G2E3: variants seen among roughly 807,000 people sequenced by gnomAD.
G2E3 encodes G2/M-phase specific E3 ubiquitin protein ligase.
A neutral mutation model predicts 92.8 loss-of-function variants in G2E3; 35 were observed. The observed-to-expected ratio is 0.38, with a 90% CI of 0.29 to 0.50. The LOEUF is 0.50. Among genes scored for constraint, G2E3 ranks in the 20% least tolerant of loss-of-function variants. G2E3 has a pLI of 0.94. For synonymous variants in G2E3, 242 were observed against 272.4 expected, an observed-to-expected ratio of 0.89 and a Z score of 1.10; for missense variants, 554 against 823.8, an observed-to-expected ratio of 0.67 and a Z score of 4.01.
chr14:30,603,196 T>G (rs986396557), intron 10 of G2E3, among the ~76,000 whole-genome samples: 6 of 151,896 alleles, frequency 4.0e-5, no homozygotes, highest in African/African-American at 1.5e-4. Flanking sequence ...CATAGTGTTG[T>G]GCATCTGTAG....
chr14:30,569,548 G>A (rs1242154346), intron 1 of G2E3, among the ~76,000 whole-genome samples: 1 of 152,168 alleles, frequency 6.6e-6, no homozygotes, highest in Non-Finnish European at 1.5e-5. Flanking sequence ...TTTTTAGACA[G>A]GAGAAGACCT....
At chr14:30,578,198 A>G (rs985864730) in intron 1 of G2E3, among the ~76,000 whole-genome samples, 8 of 152,222 alleles carry the variant, frequency 5.3e-5, no homozygotes, top group African/African-American at 1.9e-4. Context: ...GCTAGGGATT[A>G]GGAAGGCTAA....
intron 2 of G2E3, among the ~76,000 whole-genome samples, chr14:30,582,282 TTAATAA>T (rs1880476123): frequency 6.6e-6 from 1 of 152,172 alleles, no homozygotes; most frequent in Non-Finnish European, 1.5e-5. Context: ...GACACCAATC[TTAATAA>T]TAAATATAAT....
rs76815703 is a variant in G2E3 at position 30,582,183 on chromosome 14, A to G, written c.37+1067A>G. 5.6e-3 allele frequency among the ~76,000 whole-genome samples: 857 copies of G among 152,280 alleles called. 10 individuals carry two copies. Among genetic ancestry groups the G allele is most frequent in the African/African-American group, 0.019 (787 of 41,554 alleles). On this transcript the variant is annotated intron_variant, in intron 2 of 14. Coordinates refer to ENST00000206595, the MANE Select transcript of G2E3 (RefSeq NM_017769.5). Reference sequence around the variant, plus strand: ...TCTACTATTGATACTTTTTCCTAAGATGGACTGTTTCTTTATTTACATGAA... The same window carrying G: ...TCTACTATTGATACTTTTTCCTAAGGTGGACTGTTTCTTTATTTACATGAA...
chr14:30,607,038 C>A (rs1284914385), intron 11 of G2E3, among the ~76,000 whole-genome samples: 1 of 152,100 alleles, frequency 6.6e-6, no homozygotes, highest in Non-Finnish European at 1.5e-5. Flanking sequence ...AGTATGTTGA[C>A]TGTAACATTA....
At chr14:30,592,148 A>G (rs1881046052) in intron 4 of G2E3, among the ~76,000 whole-genome samples, 175 bp from the exon 5 acceptor site, 1 of 152,062 alleles carries the variant, frequency 6.6e-6, no homozygotes, top group Non-Finnish European at 1.5e-5. Flanking sequence ...GTGTCTTTAG[A>G]TTGTTTCTGG....
chr14:30,586,589 T>C (rs1188049592), intron 2 of G2E3, 129 bp from the exon 3 acceptor site: 1 of 409,566 alleles, frequency 2.4e-6, no homozygotes, highest in East Asian at 4.0e-5. Context: ...TTTAAGTTAC[T>C]GATATCAATA....
intron 1 of G2E3, among the ~76,000 whole-genome samples, chr14:30,565,803 A>G (rs1879395848): frequency 6.6e-6 from 1 of 151,618 alleles, no homozygotes; most frequent in South Asian, 2.1e-4. Context: ...CTGGGACTAT[A>G]GGCACCCACC....
Position 30,612,459 on chromosome 14 carries a change from T to C in G2E3, c.1673+80T>C, listed in dbSNP as rs547698006. Reference sequence around the variant, plus strand: ...AATTATCTTGTAATGTGAGATATATTTGGTAATAAGTGAGATGTTTTTCTC... The same window carrying C: ...AATTATCTTGTAATGTGAGATATATCTGGTAATAAGTGAGATGTTTTTCTC... On this transcript the variant is annotated intron_variant, in intron 13 of 14. Coordinates refer to ENST00000206595, the MANE Select transcript of G2E3 (RefSeq NM_017769.5). 1.0e-5 allele frequency: 9 copies of C among 900,414 alleles called. No individual in the cohort carries two copies. The Admixed American group carries it at 2.3e-4, about 24-fold the overall frequency. The allele number at this position is 900,414 out of a possible 1,614,324, so 55.8% of individuals were successfully genotyped here.
intron 2 of G2E3, among the ~76,000 whole-genome samples, chr14:30,584,744 G>A (rs1444736119): frequency 6.8e-6 from 1 of 146,880 alleles, no homozygotes; most frequent in Non-Finnish European, 1.5e-5. Context: ...TGGTGATTTT[G>A]TTGTTATCAG....
intron 13 of G2E3, among the ~76,000 whole-genome samples, chr14:30,614,531 C>G (rs897667405): frequency 1.3e-5 from 2 of 152,192 alleles, no homozygotes; most frequent in Non-Finnish European, 1.5e-5. Flanking sequence ...GGGCGGAGCC[C>G]TTGTGACCTA....
intron 8 of G2E3, among the ~76,000 whole-genome samples, chr14:30,599,525 C>T (rs2138874227): frequency 6.6e-6 from 1 of 152,298 alleles, no homozygotes; most frequent in East Asian, 1.9e-4. Flanking sequence ...CTGCGCTCGG[C>T]CATAATTACC....
intron 1 of G2E3, among the ~76,000 whole-genome samples, chr14:30,571,037 A>T (rs1879731019): frequency 6.6e-6 from 1 of 152,120 alleles, no homozygotes; most frequent in African/African-American, 2.4e-5. Context: ...AATCTTACGT[A>T]ACATAAGGTC....
At chr14:30,566,560 C>G (rs1160427588) in intron 1 of G2E3, among the ~76,000 whole-genome samples, 1 of 152,118 alleles carries the variant, frequency 6.6e-6, no homozygotes, top group Non-Finnish European at 1.5e-5. Context: ...AGAAATACAA[C>G]TGATATTTGT....
chr14:30,559,332 G>C (rs1878946340), intron 1 of G2E3, 60 bp downstream of exon 1: 1 of 152,620 alleles, frequency 6.6e-6, no homozygotes, highest in Non-Finnish European at 1.5e-5. Flanking sequence ...AGGACCGTGG[G>C]GTGGGAGAGG....
At chr14:30,579,337 T>C (rs1435468988) in intron 1 of G2E3, among the ~76,000 whole-genome samples, 2 of 152,204 alleles carry the variant, frequency 1.3e-5, no homozygotes, top group East Asian at 3.8e-4. Context: ...CTTAATGGCA[T>C]AGAATATTAT....
At chr14:30,573,480 T>G (rs1374869215) in intron 1 of G2E3, 1 of 151,660 alleles carries the variant, frequency 6.6e-6, no homozygotes, top group Non-Finnish European at 1.5e-5. Context: ...GAAGGATTGA[T>G]TAATTTATTA....
At chr14:30,576,826 A>T (rs1880120441) in intron 1 of G2E3, among the ~76,000 whole-genome samples, 1 of 151,328 alleles carries the variant, frequency 6.6e-6, no homozygotes. Flanking sequence ...ATTTCTTAAA[A>T]ATGCTAGATT....
intron 11 of G2E3, among the ~76,000 whole-genome samples, 195 bp from the exon 12 acceptor site, chr14:30,607,693 G>C (rs1221451892): frequency 6.6e-6 from 1 of 151,992 alleles, no homozygotes; most frequent in South Asian, 2.1e-4. Flanking sequence ...TTCTACAATA[G>C]ATTTTTACTT....
Sources: allele counts gnomAD v4.1 joint callset (sites outside exome capture counted in the v4.1 genomes callset), GRCh38; gene constraint gnomAD v4.1.1; transcripts MANE v1.5; gene names NCBI Gene and HGNC (gene_info 2026-07-23, HGNC 2026-07-21).